ARMH3: variants seen among roughly 807,000 people sequenced by gnomAD.
The protein encoded by ARMH3 is armadillo-like helical domain-containing protein 3.
In ARMH3, 60 loss-of-function variants were observed where a neutral mutation model predicts 99.1. That is an observed-to-expected ratio of 0.61 (90% CI 0.49 to 0.75). The LOEUF (loss-of-function observed/expected upper bound fraction) is 0.75, where lower values mean the gene tolerates loss of function less well. Among genes scored for constraint, ARMH3 ranks in the 30% least tolerant of loss-of-function variants. The pLI is 0.00. For synonymous variants in ARMH3, 285 were observed against 292.8 expected (o/e 0.97, Z 0.27); for missense variants, 679 against 843.1 (o/e 0.81, Z 2.41).
chr10:102,037,306 C>T (rs2067301235), intron 2 of ARMH3, among the ~76,000 whole-genome samples: 2 of 151,082 alleles, frequency 1.3e-5, no homozygotes, highest in South Asian at 2.1e-4. Flanking sequence ...CTTGGACTCA[C>T]ATAAATAGCT....
rs1161131654 is a variant in ARMH3 at position 101,889,446 on chromosome 10, G to T, written c.1826C>A (p.Ala609Asp). Residue 609 changes from alanine (A) to aspartate (D), a missense_variant, in exon 24 of 26, where the codon GCT (alanine) becomes GAT (aspartate). By Grantham distance (126) the Ala-to-Asp change is moderately radical. Around this residue, in one of 3 missense-constraint regions of ARMH3, gnomAD observed 389 missense variants for 456.5 expected, o/e 0.85. Transcript: ENST00000370033. ...TGACAGTTGGGATATGTGATTCACAGCAGCGTAGGACTCAATTTTGGGGTT... is the reference window on the plus strand; with the variant it reads ...TGACAGTTGGGATATGTGATTCACATCAGCGTAGGACTCAATTTTGGGGTT... Reference protein sequence around the residue: ...HFNPKIESYAAVNHISQLSEE... With the variant: ...HFNPKIESYADVNHISQLSEE... 3.1e-6 allele frequency: 5 copies of T among 1,614,004 alleles called. No homozygotes were observed. The East Asian group carries it at 1.1e-4, about 36-fold the overall frequency.
At chr10:101,855,777 A>G (rs936961462) in intron 24 of ARMH3, among the ~76,000 whole-genome samples, 2 of 147,312 alleles carry the variant, frequency 1.4e-5, no homozygotes, top group East Asian at 3.9e-4. Flanking sequence ...TAAATATATT[A>G]TATATATATA....
intron 22 of ARMH3, among the ~76,000 whole-genome samples, chr10:101,951,024 A>T (rs1309310024): frequency 1.3e-5 from 2 of 152,248 alleles, no homozygotes; most frequent in African/African-American, 4.8e-5. Context: ...GGCAATAAAC[A>T]GTTAAAAATT....
At chr10:102,009,017 T>C (rs775858713) in intron 13 of ARMH3, among the ~76,000 whole-genome samples, 4 of 152,248 alleles carry the variant, frequency 2.6e-5, no homozygotes, top group Non-Finnish European at 5.9e-5. Context: ...TTATCTCCAG[T>C]TGTAATTCCA....
chr10:101,928,846 T>G (rs976433059), intron 23 of ARMH3, among the ~76,000 whole-genome samples: 1 of 152,144 alleles, frequency 6.6e-6, no homozygotes, highest in African/African-American at 2.4e-5. Context: ...TTCTCCTGCC[T>G]CAGCCTCCCG....
intron 24 of ARMH3, among the ~76,000 whole-genome samples, chr10:101,888,072 T>A (rs574415538): frequency 5.1e-4 from 77 of 149,584 alleles, no homozygotes; most frequent in African/African-American, 1.8e-3. Context: ...TTTTTTTTTT[T>A]TAAAAAAAAA....
chr10:101,916,095 G>A (rs1228472062), intron 23 of ARMH3, among the ~76,000 whole-genome samples: 1 of 152,080 alleles, frequency 6.6e-6, no homozygotes, highest in East Asian at 1.9e-4. Context: ...GAGCCAGCAC[G>A]CCTGGCCTAT....
intron 24 of ARMH3, among the ~76,000 whole-genome samples, chr10:101,862,392 C>T (rs61873587): frequency 7.7e-4 from 117 of 152,156 alleles, no homozygotes; most frequent in Non-Finnish European, 1.4e-3. Context: ...GCCTGGCCAA[C>T]ATGGTGAAAC....
chr10:102,025,331 A>T, intron 5 of ARMH3, 83 bp from the exon 6 acceptor site: 2 of 1,058,848 alleles, frequency 1.9e-6, no homozygotes, highest in Non-Finnish European at 2.9e-6. Flanking sequence ...TATACAGGGT[A>T]ATGTGAATAA....
At chr10:101,869,091 G>T (rs1015123179) in intron 24 of ARMH3, among the ~76,000 whole-genome samples, 8 of 151,628 alleles carry the variant, frequency 5.3e-5, no homozygotes, top group African/African-American at 1.9e-4. Flanking sequence ...AAAAAAAGAG[G>T]TTAAGCTTCT....
chr10:101,926,460 A>G (rs1386753620), intron 23 of ARMH3, among the ~76,000 whole-genome samples: 3 of 152,206 alleles, frequency 2.0e-5, no homozygotes, highest in African/African-American at 7.2e-5. Flanking sequence ...ATGCAGCCAA[A>G]CATGAGAATT....
chr10:101,877,756 C>T (rs2067305539), intron 24 of ARMH3, among the ~76,000 whole-genome samples: 1 of 152,162 alleles, frequency 6.6e-6, no homozygotes, highest in Non-Finnish European at 1.5e-5. Flanking sequence ...TTCACAGTTG[C>T]CTGAGAAAGC....
chr10:101,845,868 G>A lies in ARMH3; in HGVS notation c.*1660C>T, dbSNP rs2066457395. 6.6e-6 allele frequency: 1 copy of A among 152,256 alleles called. No individual in the cohort carries two copies. 9.4% of individuals were successfully genotyped at this position (152,256 alleles called of 1,614,324 possible). A position where few individuals can be genotyped will look rare whatever the true frequency, so the allele number is the denominator to read the frequency against. ...GAGGGCGAGTATCCCAAAGAGATTT[G>A]AGGTTAAATGGATGGCAGTCCAGGT... On this transcript the variant is annotated 3_prime_UTR_variant, in exon 26 of 26. Transcript: ENST00000370033.
chr10:101,850,614 G>A (rs2066577554), intron 24 of ARMH3, among the ~76,000 whole-genome samples: 1 of 151,862 alleles, frequency 6.6e-6, no homozygotes, highest in Admixed American at 6.6e-5. Context: ...TAGTAGAGAT[G>A]TGATTTCTCC....
At chr10:101,872,354 G>A (rs984196193) in intron 24 of ARMH3, among the ~76,000 whole-genome samples, 2 of 151,936 alleles carry the variant, frequency 1.3e-5, no homozygotes, top group African/African-American at 4.8e-5. Flanking sequence ...TTTAAAAATA[G>A]GTAAATGATC....
chr10:101,879,748 A>G (rs2067364309), intron 24 of ARMH3, among the ~76,000 whole-genome samples: 1 of 152,180 alleles, frequency 6.6e-6, no homozygotes, highest in African/African-American at 2.4e-5. Flanking sequence ...CGTATTTTAA[A>G]TCTGAAACAC....
chr10:101,865,174 C>A, intron 24 of ARMH3, among the ~76,000 whole-genome samples: 1 of 150,598 alleles, frequency 6.6e-6, no homozygotes. Flanking sequence ...TGAGATTGCG[C>A]CACTGCACTC....
intron 19 of ARMH3, among the ~76,000 whole-genome samples, chr10:101,984,019 A>G (rs1846345506): frequency 6.6e-6 from 1 of 152,130 alleles, no homozygotes; most frequent in Non-Finnish European, 1.5e-5. Flanking sequence ...CTCCAGGTAG[A>G]TAGTGTCAGA....
intron 24 of ARMH3, among the ~76,000 whole-genome samples, chr10:101,861,126 TA>T (rs1340249740): frequency 6.6e-6 from 1 of 151,804 alleles, no homozygotes; most frequent in African/African-American, 2.4e-5. Flanking sequence ...ATTAACATAA[TA>T]AAGAGAAAAA....
Sources: allele counts gnomAD v4.1 joint callset (sites outside exome capture counted in the v4.1 genomes callset), GRCh38; gene constraint gnomAD v4.1.1; regional missense constraint gnomAD v4.1.1; transcripts MANE v1.5; gene names NCBI Gene and HGNC (gene_info 2026-07-23, HGNC 2026-07-21).